The following RBFOX1 variants were observed in gnomAD, a reference collection of about 807,000 sequenced individuals.
The protein encoded by RBFOX1 is RNA binding fox-1 homolog 1.
Under a neutral mutation model 57.7 loss-of-function variants are expected in RBFOX1, and 8 were observed. That is an observed-to-expected ratio of 0.14 (90% CI 0.08 to 0.25). The LOEUF (loss-of-function observed/expected upper bound fraction) is 0.25. RBFOX1 is among the 10% of genes least tolerant of loss of function. RBFOX1 has a pLI of 1.00. For missense variants in RBFOX1, 611 were observed against 548.5 expected, an observed-to-expected ratio of 1.11 and a Z score of -1.14; for synonymous variants, 326 against 222.4, an observed-to-expected ratio of 1.47 and a Z score of -4.15.
intron 3 of RBFOX1, among the ~76,000 whole-genome samples, chr16:5,682,895 C>T (rs79207136): frequency 0.019 from 2,930 of 152,254 alleles, 87 homozygotes; most frequent in African/African-American, 0.067. Context: ...CATGAAACAG[C>T]TGTGGAAGTG....
At chr16:5,503,120 C>T (rs985530681) in intron 2 of RBFOX1, among the ~76,000 whole-genome samples, 10 of 152,212 alleles carry the variant, frequency 6.6e-5, no homozygotes, top group Admixed American at 2.0e-4. Flanking sequence ...GAACCACACC[C>T]CCAGGGTGGA....
intron 2 of RBFOX1, among the ~76,000 whole-genome samples, chr16:6,485,707 C>G (rs1011290461): frequency 6.6e-6 from 1 of 152,134 alleles, no homozygotes; most frequent in Non-Finnish European, 1.5e-5. Flanking sequence ...GTAAAAAGAG[C>G]AGAATCTTTT....
At chr16:6,558,124 A>G (rs187428332) in intron 2 of RBFOX1, among the ~76,000 whole-genome samples, 3 of 152,300 alleles carry the variant, frequency 2.0e-5, no homozygotes, top group Admixed American at 2.0e-4. Flanking sequence ...TCAGTGCTTT[A>G]TAAGTCTTTC....
intron 3 of RBFOX1, among the ~76,000 whole-genome samples, chr16:5,638,966 C>G (rs1240352024): frequency 1.3e-5 from 2 of 152,168 alleles, no homozygotes; most frequent in African/African-American, 2.4e-5. Context: ...GCCATTCTCT[C>G]CTCCTGCAGG....
At chr16:6,113,608 T>C (rs567985167) in intron 1 of RBFOX1, among the ~76,000 whole-genome samples, 134 of 152,154 alleles carry the variant, frequency 8.8e-4, no homozygotes, top group African/African-American at 3.2e-3. Context: ...ATTGAAGCCG[T>C]GAAGTCATGC....
intron 2 of RBFOX1, among the ~76,000 whole-genome samples, chr16:6,417,025 T>C (rs2093641794): frequency 6.6e-6 from 1 of 152,168 alleles, no homozygotes; most frequent in Non-Finnish European, 1.5e-5. Context: ...TCTTTTTATT[T>C]TTTTGAGACA....
At chr16:6,402,328 C>G (rs1044811379) in intron 2 of RBFOX1, among the ~76,000 whole-genome samples, 3 of 152,058 alleles carry the variant, frequency 2.0e-5, no homozygotes, top group African/African-American at 7.2e-5. Flanking sequence ...GAAATCTCAC[C>G]CTTTGTTATA....
At chr16:6,794,209 G>A (rs1027866963) in intron 3 of RBFOX1, among the ~76,000 whole-genome samples, 2 of 151,656 alleles carry the variant, frequency 1.3e-5, no homozygotes, top group African/African-American at 4.8e-5. Flanking sequence ...ACTGGGAGAA[G>A]GCTTGTGACT....
intron 9 of RBFOX1, among the ~76,000 whole-genome samples, chr16:7,600,446 A>G (rs187958011): frequency 6.6e-6 from 1 of 151,976 alleles, no homozygotes; most frequent in African/African-American, 2.4e-5. Context: ...AATATAACTG[A>G]AAAAATATAG....
At chr16:6,373,825 T>C (rs1216310112) in intron 2 of RBFOX1, among the ~76,000 whole-genome samples, 1 of 152,142 alleles carries the variant, frequency 6.6e-6, no homozygotes, top group Non-Finnish European at 1.5e-5. Context: ...GCAATGTATG[T>C]CTTTTTTGTT....
At position 5,829,308 on chromosome 16, in the gene RBFOX1, C is replaced by T. The variant is rs145646024; in HGVS notation, c.319-37995C>T. Among the ~76,000 whole-genome samples, 195 of 152,248 alleles carry T rather than the reference C, an allele frequency of 1.3e-3. 1 individual carries two copies. Among genetic ancestry groups the T allele is most frequent in the African/African-American group, 4.6e-3 (190 of 41,556 alleles). On this transcript the variant is annotated intron_variant, in intron 3 of 19. Transcript: ENST00000641259. Reference sequence around the variant, plus strand: ...AGGGAAGTTATTGAAGGGTTTCAAGCAGGGGAGTCACATGATGAGCTATGC... The same window carrying T: ...AGGGAAGTTATTGAAGGGTTTCAAGTAGGGGAGTCACATGATGAGCTATGC...
chr16:5,991,309 G>T (rs1050939607), intron 4 of RBFOX1, among the ~76,000 whole-genome samples: 16 of 152,138 alleles, frequency 1.1e-4, no homozygotes, highest in African/African-American at 3.9e-4. Flanking sequence ...CGTCTCCCAG[G>T]TCTGATTGCA....
intron 1 of RBFOX1, among the ~76,000 whole-genome samples, chr16:6,199,446 G>A (rs1256231324): frequency 6.6e-6 from 1 of 152,166 alleles, no homozygotes; most frequent in African/African-American, 2.4e-5. Flanking sequence ...TTTAAATTGT[G>A]TCTTTCCAGG....
intron 1 of RBFOX1, among the ~76,000 whole-genome samples, chr16:6,196,568 C>T (rs556749294): frequency 1.3e-5 from 2 of 152,124 alleles, no homozygotes; most frequent in African/African-American, 4.8e-5. Context: ...ATCCACCCCC[C>T]AAATGTGAAT....
At chr16:6,304,657 C>T (rs1238785865) in intron 1 of RBFOX1, among the ~76,000 whole-genome samples, 4 of 151,872 alleles carry the variant, frequency 2.6e-5, no homozygotes, top group South Asian at 4.2e-4. Context: ...TGGCAGCAAG[C>T]GGATCACTTG....
At chr16:6,134,812 T>A (rs2096654637) in intron 1 of RBFOX1, among the ~76,000 whole-genome samples, 1 of 150,712 alleles carries the variant, frequency 6.6e-6, no homozygotes. Flanking sequence ...ATGTGAGGGG[T>A]CCATTCTCTA....
intron 1 of RBFOX1, among the ~76,000 whole-genome samples, chr16:6,079,575 C>T (rs532545220): frequency 6.6e-6 from 1 of 152,150 alleles, no homozygotes; most frequent in South Asian, 2.1e-4. Context: ...CCACCAGCCT[C>T]CCAAAATAAG....
At chr16:7,106,992 C>A (rs1156455319) in intron 4 of RBFOX1, among the ~76,000 whole-genome samples, 2 of 151,628 alleles carry the variant, frequency 1.3e-5, no homozygotes, top group Non-Finnish European at 2.9e-5. Context: ...AAAACACACA[C>A]ACACACACAC....
rs573242349 is a variant in RBFOX1 at position 7,110,122 on chromosome 16, G to A, written c.27+58024G>A. Among the ~76,000 whole-genome samples, 3 of 151,600 alleles carry A rather than the reference G, an allele frequency of 2.0e-5. No homozygotes were observed. The East Asian group carries it at 5.8e-4, about 30-fold the overall frequency. ...CCCAGCACATTGGGAGGCTTTGGAA[G>A]GAGGATTGTTTGAGGCCAGGAGTGT... On this transcript the variant is annotated intron_variant, in intron 4 of 15. Transcript: ENST00000550418.
Sources: gnomAD v4.1 joint callset for allele counts (sites outside exome capture counted in the v4.1 genomes callset) on GRCh38, gnomAD v4.1.1 for gene constraint, MANE v1.5 for transcripts, NCBI Gene and HGNC (gene_info 2026-07-23, HGNC 2026-07-21) for gene names.